Variants in MELTF observed in about 807,000 individuals in gnomAD.
MELTF encodes the protein melanotransferrin.
A neutral mutation model predicts 83.7 loss-of-function variants in MELTF; 67 were observed. The observed-to-expected ratio is 0.80, with a 90% CI of 0.66 to 0.98. MELTF has a LOEUF of 0.98. Among genes scored for constraint, MELTF ranks in the 50% least tolerant of loss-of-function variants. MELTF has a pLI of 0.00. For missense variants in MELTF, 1,002 were observed against 1,035.6 expected (o/e 0.97, Z 0.44); for synonymous variants, 462 against 447.6 (o/e 1.03, Z -0.41).
In MELTF at chr3:197,011,615, G is replaced by A. The variant is rs559416489; in HGVS notation, c.1234-821C>T. ...CGGCGTTGATATTTGGGGCCAGGAGGGTGCACAGCTCGGGGCCCTTTTTCC... is the reference window on the plus strand; with the variant it reads ...CGGCGTTGATATTTGGGGCCAGGAGAGTGCACAGCTCGGGGCCCTTTTTCC... On this transcript the variant is annotated intron_variant, in intron 9 of 15. Coordinates refer to ENST00000296350, the MANE Select transcript of MELTF (RefSeq NM_005929.6). The surrounding 1 kb of genome is among the most constrained non-coding windows in gnomAD (Gnocchi z 4.2). Among the ~76,000 whole-genome samples, 1 of 152,240 alleles carries A rather than the reference G, an allele frequency of 6.6e-6. No individual in the cohort carries two copies. Among genetic ancestry groups the A allele is most frequent in the South Asian group, 2.1e-4 (1 of 4,828 alleles).
rs1308547620 is a variant in MELTF at position 197,003,702 on chromosome 3, G to A, written c.2137+199C>T. On this transcript the variant is annotated intron_variant, in intron 15 of 15. Coordinates refer to ENST00000296350, the MANE Select transcript of MELTF (RefSeq NM_005929.6). The surrounding 1 kb of genome is among the most constrained non-coding windows in gnomAD (Gnocchi z 6.2). ...GCGTTCACACTCATTACCCAGGTCC[G>A]TCTGGGAGACCCGCCGGGCTCCCGC... 4 of 698,762 alleles carry A rather than the reference G, an allele frequency of 5.7e-6. No homozygotes were observed. Among genetic ancestry groups the A allele is most frequent in the African/African-American group, 3.6e-5 (2 of 55,708 alleles). The allele number at this position is 698,762 out of a possible 1,614,324, so 43.3% of individuals were successfully genotyped here.
intron 7 of MELTF, among the ~76,000 whole-genome samples, chr3:197,016,663 G>A (rs1393783577): frequency 6.6e-6 from 1 of 152,250 alleles, no homozygotes; most frequent in African/African-American, 2.4e-5. Context: ...TGGGGCTGGT[G>A]GTAGCAGCCT....
chr3:197,003,326 A>C lies in MELTF; in HGVS notation c.*46T>G, dbSNP rs1487826053. 1.9e-6 allele frequency: 2 copies of C among 1,039,344 alleles called. No individual in the cohort carries two copies. The highest frequency in any genetic ancestry group is 2.3e-6 in the Non-Finnish European group (2 of 868,398). The allele number at this position is 1,039,344 out of a possible 1,614,324, so 64.4% of individuals were successfully genotyped here. On this transcript the variant is annotated 3_prime_UTR_variant, in exon 16 of 16. Coordinates refer to ENST00000296350, the MANE Select transcript of MELTF (RefSeq NM_005929.6). The surrounding 1 kb of genome is among the most constrained non-coding windows in gnomAD (Gnocchi z 6.2). ...GGATTCCAGCGCGAAGCCGCCGCGG[A>C]AACTCCCCGGGCGGGCATCGGAGCT...
Position 197,003,319 on chromosome 3 carries a change from G to A in MELTF, c.*53C>T. The A allele has an allele frequency of 9.7e-7, 1 of 1,033,884 alleles. No homozygotes were observed. The highest frequency in any genetic ancestry group is 1.2e-6 in the Non-Finnish European group (1 of 864,202). The allele number at this position is 1,033,884 out of a possible 1,614,324, so 64.0% of individuals were successfully genotyped here. Reference sequence around the variant, plus strand: ...TCCTTCTGGATTCCAGCGCGAAGCCGCCGCGGAAACTCCCCGGGCGGGCAT... The same window carrying A: ...TCCTTCTGGATTCCAGCGCGAAGCCACCGCGGAAACTCCCCGGGCGGGCAT... On this transcript the variant is annotated 3_prime_UTR_variant, in exon 16 of 16. Transcript: ENST00000296350. This position sits in a 1 kb window ranked among gnomAD's most constrained non-coding sequence, Gnocchi z 6.2.
At position 197,019,471 on chromosome 3, in the gene MELTF, T is replaced by C. The variant is rs1443355646; in HGVS notation, c.712+1933A>G. On this transcript the variant is annotated intron_variant, in intron 6 of 15. Transcript: ENST00000296350. Reference sequence around the variant, plus strand: ...TCAACACTTTGAAAAAGCTGCCAGGTGCACGCCTGTCATCCCAGCTACTCA... The same window carrying C: ...TCAACACTTTGAAAAAGCTGCCAGGCGCACGCCTGTCATCCCAGCTACTCA... The C allele has an allele frequency of 2.7e-6, 4 of 1,462,574 alleles. No homozygotes were observed. In the Admixed American group the frequency reaches 6.9e-5, roughly 25 times the overall value. 90.6% of individuals were successfully genotyped at this position (1,462,574 alleles called of 1,614,324 possible).
At chr3:197,017,795 T>G (rs1292789361) in intron 6 of MELTF, among the ~76,000 whole-genome samples, 1 of 152,016 alleles carries the variant, frequency 6.6e-6, no homozygotes, top group Non-Finnish European at 1.5e-5. Context: ...GAGAATGGTG[T>G]GAACCTGGGA....
rs1208943344 is a variant in MELTF, at chr3:197,009,609, G to C, written c.1525+9C>G. On this transcript the variant is annotated intron_variant, in intron 11 of 15. Coordinates refer to ENST00000296350, the MANE Select transcript of MELTF (RefSeq NM_005929.6). ...TCCCCAGTCTGCGTTCCTAAAAAGG[G>C]GGGGGTACCTGTGAGGACGTCACAG... The C allele has an allele frequency of 6.3e-6, 10 of 1,596,750 alleles. No individual in the cohort carries two copies. Among genetic ancestry groups the C allele is most frequent in the South Asian group, 4.4e-5 (4 of 90,774 alleles).
intron 2 of MELTF, 65 bp downstream of exon 2, chr3:197,027,691 C>T: frequency 1.3e-6 from 2 of 1,528,772 alleles, no homozygotes; most frequent in Non-Finnish European, 1.8e-6. Flanking sequence ...GTGAATGGGG[C>T]TGTTGTGTGC....
intron 6 of MELTF, chr3:197,019,782 T>C: frequency 6.3e-7 from 1 of 1,581,358 alleles, no homozygotes; most frequent in African/African-American, 1.3e-5. Flanking sequence ...TGGTCCATGT[T>C]TGCCTTCGTG....
intron 4 of MELTF, among the ~76,000 whole-genome samples, chr3:197,023,530 G>T (rs996828508): frequency 2.0e-5 from 3 of 152,182 alleles, no homozygotes; most frequent in African/African-American, 7.2e-5. Flanking sequence ...GGAGGCACAC[G>T]CCCGGCGGCC....
At chr3:197,026,808 G>A in intron 2 of MELTF, 49 bp from the exon 3 acceptor site, 4 of 1,561,806 alleles carry the variant, frequency 2.6e-6, no homozygotes, top group Non-Finnish European at 3.5e-6. Flanking sequence ...GGCCTGCTCA[G>A]CAAAGAACTC....
chr3:197,017,700 A>G (rs908871253), intron 6 of MELTF, among the ~76,000 whole-genome samples: 4 of 151,882 alleles, frequency 2.6e-5, no homozygotes, highest in Non-Finnish European at 5.9e-5. Context: ...ACACGGTGAA[A>G]CCCCATCTCT....
intron 5 of MELTF, among the ~76,000 whole-genome samples, chr3:197,021,963 C>A (rs1463490779): frequency 6.6e-6 from 1 of 152,214 alleles, no homozygotes; most frequent in African/African-American, 2.4e-5. Flanking sequence ...AAGTGATCAT[C>A]CTGCCTCTGC....
intron 6 of MELTF, among the ~76,000 whole-genome samples, chr3:197,017,629 G>A (rs989043995): frequency 3.3e-5 from 5 of 152,234 alleles, no homozygotes; most frequent in Non-Finnish European, 7.3e-5. Context: ...TGTAATCCCA[G>A]CACTTTGGGA....
rs372198181 is a variant in MELTF at position 197,007,553 on chromosome 3, C to T, written c.1751-817G>A. Among the ~76,000 whole-genome samples, 21 of 152,330 alleles carry T rather than the reference C, an allele frequency of 1.4e-4. No individual in the cohort carries two copies. Among genetic ancestry groups the T allele is most frequent in the East Asian group, 7.7e-4 (4 of 5,166 alleles). Reference sequence around the variant, plus strand: ...CCGCCTCCCCTGACCCCATCCCAGACGACACCATGCACAGATCTGGGACCA... The same window carrying T: ...CCGCCTCCCCTGACCCCATCCCAGATGACACCATGCACAGATCTGGGACCA... On this transcript the variant is annotated intron_variant, in intron 13 of 15. Coordinates refer to ENST00000296350, the MANE Select transcript of MELTF (RefSeq NM_005929.6). The surrounding 1 kb of genome is among the most constrained non-coding windows in gnomAD (Gnocchi z 4.3).
Position 197,001,880 on chromosome 3 carries a change from A to AC in MELTF, c.*1491dup, listed in dbSNP as rs1667904071. 1 of 151,980 alleles carries AC rather than the reference A, an allele frequency of 6.6e-6. No individual in the cohort carries two copies. Among genetic ancestry groups the AC allele is most frequent in the East Asian group, 1.9e-4 (1 of 5,132 alleles). The allele number at this position is 151,980 out of a possible 1,614,324, so 9.4% of individuals were successfully genotyped here. A position where few individuals can be genotyped will look rare whatever the true frequency, so the allele number is the denominator to read the frequency against. The stretch of plus-strand genomic sequence containing the variant: ...ATCCAGCGTCACTTACACTGCACCC[A>AC]CGCAGGCCACACCTTCAATGGCCAC... On this transcript the variant is annotated 3_prime_UTR_variant, in exon 16 of 16. Coordinates refer to ENST00000296350, the MANE Select transcript of MELTF (RefSeq NM_005929.6).
chr3:197,017,860 G>C (rs1410328328), intron 6 of MELTF, among the ~76,000 whole-genome samples: 1 of 152,172 alleles, frequency 6.6e-6, no homozygotes, highest in African/African-American at 2.4e-5. Flanking sequence ...CTGGGCGACA[G>C]AGCGAAACTC....
Position 197,024,448 on chromosome 3 carries a change from C to T in MELTF, c.342G>A (p.Arg114=), listed in dbSNP as rs753569287. The change falls in exon 4 of 16, where the codon AGG becomes AGA. Residue 114 remains arginine, a synonymous_variant. Transcript: ENST00000296350. This position sits in a 1 kb window ranked among gnomAD's most constrained non-coding sequence, Gnocchi z 5.3. The part of the protein sequence containing the change: ...GTSYYAVAVV[R]RSSHVTIDTL... ...TGTCAATGGTCACATGGGAGCTCCT[C>T]CTGACCACAGCCACGGCGTAATAGG... is the stretch of plus-strand genomic sequence containing the variant. 3.1e-6 allele frequency: 5 copies of T among 1,604,720 alleles called. No homozygotes were observed. The highest frequency in any genetic ancestry group is 1.8e-4 in the Middle Eastern group (1 of 5,612).
rs754180944 is a variant in MELTF, at chr3:197,003,957, C to T, written c.2081G>A (p.Gly694Glu). The T allele has an allele frequency of 1.9e-6, 3 of 1,614,122 alleles. No individual in the cohort carries two copies. The highest frequency in any genetic ancestry group is 2.2e-5 in the South Asian group (2 of 91,086). ...TTCCAGCGCCGCCACGTAGTCCAGC[C>T]CCAGCCAGCCGCGGTAGGTGGTTTT... is the stretch of plus-strand genomic sequence containing the variant. ...GEKTTYRGWL[G>E]LDYVAALEGM... Residue 694 changes from glycine (G) to glutamate (E), a missense_variant, in exon 15 of 16, where the codon GGG (glycine) becomes GAG (glutamate). Coordinates refer to ENST00000296350, the MANE Select transcript of MELTF (RefSeq NM_005929.6). This position sits in a 1 kb window ranked among gnomAD's most constrained non-coding sequence, Gnocchi z 6.2.
Sources: allele counts gnomAD v4.1 joint callset (sites outside exome capture counted in the v4.1 genomes callset), GRCh38; gene constraint gnomAD v4.1.1; non-coding constraint Gnocchi (gnomAD v3.1); transcripts MANE v1.5; gene names NCBI Gene and HGNC (gene_info 2026-07-23, HGNC 2026-07-21).